The following OLA1 variants were observed in gnomAD, a reference collection of about 807,000 sequenced individuals.
OLA1 encodes the protein obg-like ATPase 1.
Under a neutral mutation model 48.4 loss-of-function variants are expected in OLA1, and 14 were observed. That is an observed-to-expected ratio of 0.29 (90% CI 0.19 to 0.45). OLA1 has a LOEUF of 0.45. Ranked by LOEUF, OLA1 falls within the 20% of genes least tolerant of loss-of-function variation. OLA1 has a pLI of 1.00. For missense variants in OLA1, 325 were observed against 467.1 expected (o/e 0.70, Z 2.80); for synonymous variants, 127 against 150.4 (o/e 0.84, Z 1.14).
intron 4 of OLA1, among the ~76,000 whole-genome samples, chr2:174,191,493 C>T (rs894473609): frequency 9.2e-5 from 14 of 151,370 alleles, no homozygotes; most frequent in Non-Finnish European, 1.6e-4. Context: ...CTGGCTCTGT[C>T]GCTCAGGCTG....
intron 5 of OLA1, 88 bp from the exon 6 acceptor site, chr2:174,123,763 A>G (rs923351268): frequency 1.0e-5 from 6 of 577,056 alleles, no homozygotes; most frequent in Non-Finnish European, 1.7e-5. Flanking sequence ...TTTTCAAAAT[A>G]AAAATAGATT....
At chr2:174,163,024 A>G (rs936165832) in intron 4 of OLA1, among the ~76,000 whole-genome samples, 1 of 152,166 alleles carries the variant, frequency 6.6e-6, no homozygotes, top group Non-Finnish European at 1.5e-5. Flanking sequence ...AGCCTGGGCA[A>G]CAGAGTGAGA....
intron 7 of OLA1, among the ~76,000 whole-genome samples, chr2:174,086,867 G>A (rs1684988690): frequency 1.3e-5 from 2 of 152,154 alleles, no homozygotes; most frequent in Non-Finnish European, 2.9e-5. Flanking sequence ...ACGGCAGAAA[G>A]CAAAACTGCA....
chr2:174,172,573 G>A, intron 4 of OLA1: 1 of 164,656 alleles, frequency 6.1e-6, no homozygotes. Flanking sequence ...GTAGGTATCG[G>A]GGATACAGAC....
At chr2:174,167,475 C>T (rs1687193637) in intron 4 of OLA1, among the ~76,000 whole-genome samples, 1 of 152,124 alleles carries the variant, frequency 6.6e-6, no homozygotes, top group Non-Finnish European at 1.5e-5. Flanking sequence ...ACTTGGGAGG[C>T]TGAGGAAGCA....
chr2:174,138,495 T>C (rs1208582330), intron 5 of OLA1, among the ~76,000 whole-genome samples: 1 of 152,126 alleles, frequency 6.6e-6, no homozygotes, highest in Non-Finnish European at 1.5e-5. Context: ...CTTTAACAGA[T>C]ACAATAATAA....
chr2:174,234,796 T>C (rs1177002912), intron 2 of OLA1, among the ~76,000 whole-genome samples: 1 of 151,958 alleles, frequency 6.6e-6, no homozygotes, highest in Non-Finnish European at 1.5e-5. Context: ...AAAAAAAAAT[T>C]ATTTGAAATT....
At chr2:174,156,060 G>A (rs1214913930) in intron 4 of OLA1, among the ~76,000 whole-genome samples, 1 of 152,170 alleles carries the variant, frequency 6.6e-6, no homozygotes, top group African/African-American at 2.4e-5. Context: ...TGAAGATTTA[G>A]AGTGATAATG....
chr2:174,160,733 A>G (rs1057180037), intron 4 of OLA1, among the ~76,000 whole-genome samples: 1 of 152,194 alleles, frequency 6.6e-6, no homozygotes, highest in Non-Finnish European at 1.5e-5. Context: ...AACTAGTTGT[A>G]ATCATTTGCA....
Position 174,073,909 on chromosome 2 carries a change from A to C in OLA1, c.*1517T>G, listed in dbSNP as rs1684665653. On this transcript the variant is annotated 3_prime_UTR_variant, in exon 11 of 11. Coordinates refer to ENST00000284719, the MANE Select transcript of OLA1 (RefSeq NM_013341.5). ...TAGTTCTTTTAAAAAACCCTTCATT[A>C]GTTTTATTCTTATTTCTCTGCTGTA... The C allele has an allele frequency of 6.6e-6, 1 of 152,256 alleles. No homozygotes were observed. Among genetic ancestry groups the C allele is most frequent in the African/African-American group, 2.4e-5 (1 of 41,554 alleles). The allele number at this position is 152,256 out of a possible 1,614,324, so 9.4% of individuals were successfully genotyped here.
At chr2:174,191,749 C>CA (rs1353316451) in intron 4 of OLA1, among the ~76,000 whole-genome samples, 1 of 152,012 alleles carries the variant, frequency 6.6e-6, no homozygotes, top group Non-Finnish European at 1.5e-5. Flanking sequence ...AGGCATGAGC[C>CA]ACCACATCCA....
At chr2:174,112,903 T>C (rs1478583803) in intron 7 of OLA1, among the ~76,000 whole-genome samples, 1 of 152,188 alleles carries the variant, frequency 6.6e-6, no homozygotes, top group Non-Finnish European at 1.5e-5. Context: ...TCCCTATTTC[T>C]ATAACATCAA....
intron 5 of OLA1, among the ~76,000 whole-genome samples, chr2:174,130,470 T>C (rs1231017393): frequency 3.9e-5 from 6 of 152,154 alleles, no homozygotes; most frequent in African/African-American, 9.7e-5. Flanking sequence ...CTGAAGTAGA[T>C]AGTAAGACCA....
intron 2 of OLA1, among the ~76,000 whole-genome samples, chr2:174,243,338 G>A (rs1276866647): frequency 6.6e-6 from 1 of 152,180 alleles, no homozygotes; most frequent in Non-Finnish European, 1.5e-5. Flanking sequence ...CTGAGGAGTA[G>A]GGACTGCTTG....
At chr2:174,092,069 G>C (rs1574475980) in intron 7 of OLA1, among the ~76,000 whole-genome samples, 1 of 147,684 alleles carries the variant, frequency 6.8e-6, no homozygotes, top group East Asian at 2.0e-4. Flanking sequence ...GGAGGTTGCA[G>C]TGAGCCAAGA....
chr2:174,166,599 T>C (rs867719130), intron 4 of OLA1, among the ~76,000 whole-genome samples: 1 of 152,236 alleles, frequency 6.6e-6, no homozygotes, highest in Non-Finnish European at 1.5e-5. Flanking sequence ...AAGTCATTTC[T>C]ATTACTACTA....
chr2:174,168,889 A>G (rs1687232800), intron 4 of OLA1, among the ~76,000 whole-genome samples: 1 of 151,590 alleles, frequency 6.6e-6, no homozygotes. Flanking sequence ...CTGAACACAC[A>G]GAAGACAGAA....
At chr2:174,185,870 T>G (rs1687646645) in intron 4 of OLA1, among the ~76,000 whole-genome samples, 1 of 152,118 alleles carries the variant, frequency 6.6e-6, no homozygotes, top group Non-Finnish European at 1.5e-5. Flanking sequence ...GAGGTTGCAG[T>G]GAACCAAGAT....
At chr2:174,240,892 G>A (rs988586254) in intron 2 of OLA1, among the ~76,000 whole-genome samples, 1 of 152,122 alleles carries the variant, frequency 6.6e-6, no homozygotes, top group Non-Finnish European at 1.5e-5. Flanking sequence ...TTTGTATCAG[G>A]AAAATAGTGG....
Sources: allele counts gnomAD v4.1 joint callset (sites outside exome capture counted in the v4.1 genomes callset), GRCh38; gene constraint gnomAD v4.1.1; transcripts MANE v1.5; gene names NCBI Gene and HGNC (gene_info 2026-07-23, HGNC 2026-07-21).